Variants in MKRN2 observed in about 807,000 individuals in gnomAD.
The protein encoded by MKRN2 is E3 ubiquitin-protein ligase makorin-2.
A neutral mutation model predicts 45.4 loss-of-function variants in MKRN2; 32 were observed. That is an observed-to-expected ratio of 0.70 (90% CI 0.53 to 0.95). The LOEUF (loss-of-function observed/expected upper bound fraction) is 0.95. MKRN2 is among the 40% of genes least tolerant of loss of function. MKRN2 has a pLI of 0.00. For missense variants in MKRN2, 526 were observed against 536.7 expected (o/e 0.98, Z 0.20); for synonymous variants, 206 against 192.4 (o/e 1.07, Z -0.59).
At chr3:12,579,727 C>A (rs995767347) in intron 6 of MKRN2, among the ~76,000 whole-genome samples, 1 of 152,078 alleles carries the variant, frequency 6.6e-6, no homozygotes, top group Non-Finnish European at 1.5e-5. Context: ...GGCATTGAAA[C>A]AGGTGTGTAG....
chr3:12,572,083 G>A lies in MKRN2; in HGVS notation c.352G>A (p.Ala118Thr). 1 of 1,607,602 alleles carries A rather than the reference G, an allele frequency of 6.2e-7. No individual in the cohort carries two copies. Among genetic ancestry groups the A allele is most frequent in the Non-Finnish European group, 8.5e-7 (1 of 1,176,102 alleles). ...GTTGTTTTCAGATCTCTCTGGCATG[G>A]CTGAAAGGAAGACCCAGCCGAGCAT... ...VLRDRNLSGM[A>T]ERKTQPSMVS... Residue 118 changes from alanine (A) to threonine (T), a missense_variant, in exon 4 of 8, where the codon GCT becomes ACT. Physicochemically the swap from Ala to Thr is moderately conservative, Grantham distance 58. Transcript: ENST00000170447.
chr3:12,560,797 G>A (rs937972699), intron 1 of MKRN2: 4 of 152,228 alleles, frequency 2.6e-5, no homozygotes, highest in African/African-American at 4.8e-5. Flanking sequence ...CCACCTAGTC[G>A]TCTCTCCCCT....
In MKRN2 at chr3:12,581,855, T is replaced by C; in HGVS notation, c.1016T>C (p.Phe339Ser). 6.2e-7 allele frequency: 1 copy of C among 1,614,164 alleles called. No homozygotes were observed. Residue 339 changes from phenylalanine to serine, a missense_variant, in exon 7 of 8, where the codon TTT (phenylalanine) becomes TCT (serine). Physicochemically the swap from Phe to Ser is radical, Grantham distance 155 (BLOSUM62 -2). Coordinates refer to ENST00000170447, the MANE Select transcript of MKRN2 (RefSeq NM_014160.5). The part of the protein sequence containing the change: ...YFEQGKGTCP[F>S]GSKCLYRHAY... ...GAGCAAGGCAAGGGGACCTGCCCAT[T>C]TGGAAGCAAATGTCTTTATCGCCAT...
chr3:12,570,422 G>A (rs752882002), intron 3 of MKRN2, among the ~76,000 whole-genome samples, 170 bp downstream of exon 3: 2 of 152,142 alleles, frequency 1.3e-5, no homozygotes, highest in Non-Finnish European at 2.9e-5. Context: ...TGTGGCTGCA[G>A]ATCATTCAAA....
At chr3:12,559,015 C>T (rs7628907) in intron 1 of MKRN2, among the ~76,000 whole-genome samples, 7,819 of 152,178 alleles carry the variant, frequency 0.051, 678 homozygotes, top group African/African-American at 0.18. Flanking sequence ...GACTGTAGGG[C>T]CTCCAGATAA....
At chr3:12,570,040 C>G in intron 2 of MKRN2, 31 bp from the exon 3 acceptor site, 1 of 1,557,988 alleles carries the variant, frequency 6.4e-7, no homozygotes, top group Non-Finnish European at 8.7e-7. Flanking sequence ...GGTGGCATGT[C>G]TGTAATGCAT....
At chr3:12,572,984 C>T (rs1435172088) in intron 4 of MKRN2, among the ~76,000 whole-genome samples, 1 of 152,138 alleles carries the variant, frequency 6.6e-6, no homozygotes, top group African/African-American at 2.4e-5. Flanking sequence ...AGCTCAGGAC[C>T]ATGGTATGTC....
intron 1 of MKRN2, among the ~76,000 whole-genome samples, chr3:12,564,017 C>T (rs568238174): frequency 1.1e-3 from 162 of 151,880 alleles, no homozygotes; most frequent in African/African-American, 2.8e-3. Context: ...GTGATCTTGG[C>T]TCACTGCAAC....
chr3:12,561,225 A>G (rs1038878824), intron 1 of MKRN2, among the ~76,000 whole-genome samples: 3 of 152,222 alleles, frequency 2.0e-5, no homozygotes, highest in Non-Finnish European at 2.9e-5. Context: ...ATAAATGGCA[A>G]AATTAACTAG....
chr3:12,579,158 T>A (rs1186208724), intron 6 of MKRN2, among the ~76,000 whole-genome samples: 1 of 152,116 alleles, frequency 6.6e-6, no homozygotes, highest in Non-Finnish European at 1.5e-5. Context: ...CACTGGGGGA[T>A]GTAGAGATTA....
chr3:12,563,239 AGACT>A (rs2058050135), intron 1 of MKRN2, among the ~76,000 whole-genome samples: 1 of 152,208 alleles, frequency 6.6e-6, no homozygotes, highest in East Asian at 1.9e-4. Flanking sequence ...AACGCATGAG[AGACT>A]GACTTATATA....
At chr3:12,563,429 C>A (rs1248192016) in intron 1 of MKRN2, among the ~76,000 whole-genome samples, 2 of 151,278 alleles carry the variant, frequency 1.3e-5, no homozygotes, top group African/African-American at 4.9e-5. Flanking sequence ...GCAGTCTGGG[C>A]CTCTCGGGCC....
chr3:12,560,521 G>A (rs1234448203), intron 1 of MKRN2, among the ~76,000 whole-genome samples: 2 of 148,982 alleles, frequency 1.3e-5, no homozygotes, highest in Non-Finnish European at 3.0e-5. Flanking sequence ...CAAATTACCT[G>A]TATACTTGGA....
chr3:12,558,692 C>T (rs965657675), intron 1 of MKRN2, among the ~76,000 whole-genome samples: 7 of 152,094 alleles, frequency 4.6e-5, no homozygotes, highest in African/African-American at 1.7e-4. Context: ...TGGTTTTTTC[C>T]TTGTATACCT....
chr3:12,569,533 C>T (rs1408257747), intron 2 of MKRN2, among the ~76,000 whole-genome samples: 4 of 152,122 alleles, frequency 2.6e-5, no homozygotes, highest in East Asian at 1.9e-4. Context: ...TACACAATTC[C>T]GGAAACTTGT....
At chr3:12,563,096 C>G (rs1041715459) in intron 1 of MKRN2, among the ~76,000 whole-genome samples, 4 of 152,080 alleles carry the variant, frequency 2.6e-5, no homozygotes, top group African/African-American at 9.7e-5. Flanking sequence ...TGGGGAAAGC[C>G]TAGCTGACTA....
chr3:12,582,590 C>A lies in MKRN2; in HGVS notation c.*337C>A. 1 of 221,140 alleles carries A rather than the reference C, an allele frequency of 4.5e-6. No homozygotes were observed. Among genetic ancestry groups the A allele is most frequent in the South Asian group, 9.7e-5 (1 of 10,308 alleles). The allele number at this position is 221,140 out of a possible 1,614,324, so 13.7% of individuals were successfully genotyped here. On this transcript the variant is annotated 3_prime_UTR_variant, in exon 8 of 8. Transcript: ENST00000170447. ...CTCTTACCTTTGATCTTTTCTTCCCCAGAAATAGTAAACTTGCAGCTGCCC... is the reference window on the plus strand; with the variant it reads ...CTCTTACCTTTGATCTTTTCTTCCCAAGAAATAGTAAACTTGCAGCTGCCC...
intron 1 of MKRN2, among the ~76,000 whole-genome samples, chr3:12,560,583 G>A (rs2058028964): frequency 6.6e-6 from 1 of 151,774 alleles, no homozygotes; most frequent in African/African-American, 2.4e-5. Context: ...GGGCCTGTAA[G>A]AAACCAGATT....
intron 5 of MKRN2, among the ~76,000 whole-genome samples, chr3:12,575,209 A>G (rs1441999400): frequency 2.6e-5 from 4 of 152,092 alleles, no homozygotes; most frequent in Non-Finnish European, 2.9e-5. Context: ...ATTCCTACCA[A>G]GCTTTCTGGG....
Sources: gnomAD v4.1 joint callset for allele counts (sites outside exome capture counted in the v4.1 genomes callset) on GRCh38, gnomAD v4.1.1 for gene constraint, MANE v1.5 for transcripts, NCBI Gene and HGNC (gene_info 2026-07-23, HGNC 2026-07-21) for gene names.